FRAS1: variants seen among roughly 807,000 people sequenced by gnomAD.
FRAS1 encodes extracellular matrix organizing protein FRAS1.
In FRAS1, 290 loss-of-function variants were observed where a neutral mutation model predicts 435.2. The ratio of observed to expected loss-of-function variants is 0.67; its 90% CI spans 0.61 to 0.73. FRAS1 has a LOEUF of 0.73. Among genes scored for constraint, FRAS1 ranks in the 30% least tolerant of loss-of-function variants. FRAS1 has a pLI of 0.00. For missense variants in FRAS1, 4,860 were observed against 5,001.5 expected (o/e 0.97, Z 0.85); for synonymous variants, 1,800 against 1,851.0 (o/e 0.97, Z 0.71).
At chr4:78,244,759 C>G (rs1387492147) in intron 3 of FRAS1, among the ~76,000 whole-genome samples, 1 of 152,174 alleles carries the variant, frequency 6.6e-6, no homozygotes, top group African/African-American at 2.4e-5. Context: ...TACTTCCTCT[C>G]AGAACTTTGT....
At chr4:78,115,639 G>T (rs13119791) in intron 2 of FRAS1, among the ~76,000 whole-genome samples, 32,999 of 152,036 alleles carry the variant, frequency 0.22, 3,942 homozygotes, top group Admixed American at 0.29. Flanking sequence ...AGTATTCTCT[G>T]ATGGTAGTTT....
At chr4:78,498,805 G>A (rs1720588002) in intron 60 of FRAS1, among the ~76,000 whole-genome samples, 2 of 151,116 alleles carry the variant, frequency 1.3e-5, no homozygotes, top group East Asian at 1.9e-4. Context: ...AGAAAAGAAG[G>A]CATGATTTGA....
intron 13 of FRAS1, 192 bp from the exon 14 acceptor site, chr4:78,286,213 G>A (rs1179766627): frequency 4.2e-6 from 3 of 709,206 alleles, no homozygotes; most frequent in Admixed American, 2.0e-5. Flanking sequence ...ATTCATATAC[G>A]TAAAGCACTT....
At chr4:78,272,008 T>C (rs566112604) in intron 9 of FRAS1, among the ~76,000 whole-genome samples, 1 of 152,272 alleles carries the variant, frequency 6.6e-6, no homozygotes, top group Non-Finnish European at 1.5e-5. Flanking sequence ...ATTGCCATTC[T>C]AACTGGTGTG....
At chr4:78,194,711 G>T (rs1722719694) in intron 2 of FRAS1, among the ~76,000 whole-genome samples, 2 of 151,954 alleles carry the variant, frequency 1.3e-5, no homozygotes, top group South Asian at 4.1e-4. Flanking sequence ...TTTGCCATGG[G>T]TTCAAACTTC....
At chr4:78,326,217 T>C (rs1185395781) in intron 18 of FRAS1, among the ~76,000 whole-genome samples, 1 of 152,218 alleles carries the variant, frequency 6.6e-6, no homozygotes, top group Non-Finnish European at 1.5e-5. Flanking sequence ...AGGAAGCTGC[T>C]GCACTAACCC....
intron 34 of FRAS1, 143 bp from the exon 35 acceptor site, chr4:78,424,245 C>G: frequency 2.3e-6 from 1 of 443,388 alleles, no homozygotes; most frequent in Non-Finnish European, 4.1e-6. Context: ...TAGCAAATGA[C>G]CTGGTGATCT....
At chr4:78,209,361 G>A (rs1472279311) in intron 2 of FRAS1, among the ~76,000 whole-genome samples, 1 of 152,116 alleles carries the variant, frequency 6.6e-6, no homozygotes, top group East Asian at 1.9e-4. Flanking sequence ...TTCCTGTTGG[G>A]TGTAAGCAAT....
chr4:78,175,135 G>A (rs1033654771), intron 2 of FRAS1, among the ~76,000 whole-genome samples: 2 of 152,208 alleles, frequency 1.3e-5, no homozygotes, highest in South Asian at 2.1e-4. Flanking sequence ...TGCCCATCAG[G>A]CTCCTGGCTT....
chr4:78,483,945 G>C (rs1041943037), intron 58 of FRAS1, among the ~76,000 whole-genome samples: 1 of 151,666 alleles, frequency 6.6e-6, no homozygotes, highest in African/African-American at 2.4e-5. Flanking sequence ...TTAGTGTACA[G>C]TTCTATGAGT....
At chr4:78,126,054 G>T (rs1399150268) in intron 2 of FRAS1, among the ~76,000 whole-genome samples, 1 of 152,192 alleles carries the variant, frequency 6.6e-6, no homozygotes, top group African/African-American at 2.4e-5. Flanking sequence ...GAGCTTCCCT[G>T]CTGCTTTGTT....
At chr4:78,496,666 T>C in intron 59 of FRAS1, 139 bp from the exon 60 acceptor site, 3 of 844,762 alleles carry the variant, frequency 3.6e-6, no homozygotes, top group Non-Finnish European at 5.6e-6. Flanking sequence ...ACATTTTGTT[T>C]TATAAATGAA....
intron 11 of FRAS1, 24 bp from the exon 12 acceptor site, chr4:78,282,796 G>A (rs1560625369): frequency 6.8e-6 from 11 of 1,611,884 alleles, no homozygotes; most frequent in Non-Finnish European, 9.3e-6. Context: ...TGATGACAAT[G>A]CTGTTCTTCA....
chr4:78,325,742 A>G (rs1729692117), intron 18 of FRAS1, among the ~76,000 whole-genome samples: 1 of 152,246 alleles, frequency 6.6e-6, no homozygotes, highest in South Asian at 2.1e-4. Context: ...GACACATGCC[A>G]TAATAGCAGT....
chr4:78,125,303 G>T (rs1361925108), intron 2 of FRAS1, among the ~76,000 whole-genome samples: 3 of 152,234 alleles, frequency 2.0e-5, no homozygotes, highest in Non-Finnish European at 4.4e-5. Flanking sequence ...GTGGTTTTGA[G>T]TGAGATTCTT....
chr4:78,078,227 A>G (rs974415169), intron 2 of FRAS1, among the ~76,000 whole-genome samples: 10 of 152,160 alleles, frequency 6.6e-5, no homozygotes, highest in African/African-American at 2.4e-4. Flanking sequence ...TTGGTGTTGT[A>G]AGCAACACTG....
intron 18 of FRAS1, among the ~76,000 whole-genome samples, chr4:78,330,720 C>T (rs1351929695): frequency 6.6e-6 from 1 of 152,164 alleles, no homozygotes; most frequent in African/African-American, 2.4e-5. Context: ...AAATTTTGGT[C>T]AGACTGGTTG....
chr4:78,133,717 C>T (rs758368762), intron 2 of FRAS1, among the ~76,000 whole-genome samples: 2 of 152,052 alleles, frequency 1.3e-5, no homozygotes, highest in African/African-American at 2.4e-5. Flanking sequence ...AGATAAGCAA[C>T]GTAAACAAAA....
intron 54 of FRAS1, among the ~76,000 whole-genome samples, chr4:78,476,528 A>G (rs1719857986): frequency 6.6e-6 from 1 of 152,222 alleles, no homozygotes; most frequent in Non-Finnish European, 1.5e-5. Flanking sequence ...TGTAAAGAGA[A>G]GTGGGCTCTG....
Sources: gnomAD v4.1 joint callset for allele counts (sites outside exome capture counted in the v4.1 genomes callset) on GRCh38, gnomAD v4.1.1 for gene constraint, MANE v1.5 for transcripts, NCBI Gene and HGNC (gene_info 2026-07-23, HGNC 2026-07-21) for gene names.